Variants in NVL observed in about 807,000 individuals in gnomAD.
The protein encoded by NVL is nuclear valosin-containing protein-like.
Under a neutral mutation model 110.2 loss-of-function variants are expected in NVL, and 84 were observed. That is an observed-to-expected ratio of 0.76 (90% confidence interval 0.64 to 0.91). The LOEUF (loss-of-function observed/expected upper bound fraction) is 0.91. NVL is among the 40% of genes least tolerant of loss of function. The pLI, the probability that NVL is intolerant of heterozygous loss-of-function variation, is 0.00. For missense variants in NVL, 882 were observed against 1,035.9 expected, an observed-to-expected ratio of 0.85 and a Z score of 2.04; for synonymous variants, 354 against 361.1, an observed-to-expected ratio of 0.98 and a Z score of 0.22.
At chr1:224,279,383 G>A (rs1666092146) in intron 16 of NVL, among the ~76,000 whole-genome samples, 1 of 152,060 alleles carries the variant, frequency 6.6e-6, no homozygotes. Context: ...GACCAGCCTG[G>A]ACAATACAGC....
At chr1:224,322,131 A>C (rs1670711277) in intron 2 of NVL, among the ~76,000 whole-genome samples, 1 of 152,152 alleles carries the variant, frequency 6.6e-6, no homozygotes, top group Non-Finnish European at 1.5e-5. Context: ...CCCACGCTTC[A>C]GTGCAGCGGT....
intron 12 of NVL, 87 bp from the exon 13 acceptor site, chr1:224,289,820 C>T (rs770083873): frequency 1.2e-4 from 159 of 1,323,398 alleles, no homozygotes; most frequent in Non-Finnish European, 1.5e-4. Context: ...AAGTCCTTCA[C>T]GTCTGCCAAA....
chr1:224,304,801 C>T lies in NVL; in HGVS notation c.760G>A (p.Gly254Arg), dbSNP rs1668760843. The T allele has an allele frequency of 6.2e-7, 1 of 1,613,908 alleles. No homozygotes were observed. The highest frequency in any genetic ancestry group is 8.5e-7 in the Non-Finnish European group (1 of 1,179,882). ...AVLQKKAKAR[G>R]LEFQISNVKF... ...ACGTTGGAGATCTGGAATTCTAACC[C>T]CCTGGCTTTAGCTGGTAAACAAAAA... Residue 254 changes from glycine (G) to arginine (R), a missense_variant, in exon 8 of 23, where the codon GGG becomes AGG. Transcript: ENST00000281701.
intron 10 of NVL, among the ~76,000 whole-genome samples, chr1:224,297,421 A>G (rs1483845762): frequency 6.6e-6 from 1 of 152,232 alleles, no homozygotes; most frequent in Admixed American, 6.5e-5. Context: ...TACCGAGAGT[A>G]GTCAAATTCA....
At chr1:224,302,499 C>T (rs957891149) in intron 9 of NVL, among the ~76,000 whole-genome samples, 20 of 152,160 alleles carry the variant, frequency 1.3e-4, no homozygotes, top group Admixed American at 6.5e-4. Flanking sequence ...CTGCGCCCGG[C>T]GAGCATGCTA....
chr1:224,312,155 A>G lies in NVL; in HGVS notation c.285-298T>C, dbSNP rs1270839358. On this transcript the variant is annotated intron_variant, in intron 4 of 22. Coordinates refer to ENST00000281701, the MANE Select transcript of NVL (RefSeq NM_002533.4). ...CTTATGCATTTACAAAATATAATAA[A>G]TGCAAAATAAATTATAGTTATATTT... is the stretch of plus-strand genomic sequence containing the variant. 1.4e-5 allele frequency: 3 copies of G among 216,838 alleles called. No individual in the cohort carries two copies. The East Asian group carries it at 3.1e-4, about 22-fold the overall frequency. The allele number at this position is 216,838 out of a possible 1,614,324, so 13.4% of individuals were successfully genotyped here. A position where few individuals can be genotyped will look rare whatever the true frequency, so the allele number is the denominator to read the frequency against.
At chr1:224,293,053 C>T (rs987289619) in intron 12 of NVL, among the ~76,000 whole-genome samples, 2 of 150,818 alleles carry the variant, frequency 1.3e-5, no homozygotes, top group African/African-American at 4.9e-5. Flanking sequence ...CCATACCCGA[C>T]CTAATATTTC....
chr1:224,289,807 T>C, intron 12 of NVL, 74 bp from the exon 13 acceptor site: 2 of 1,443,340 alleles, frequency 1.4e-6, no homozygotes, highest in Admixed American at 2.3e-5. Context: ...CTATATTTAT[T>C]TGAAGTCCTT....
chr1:224,247,536 G>A (rs1002073690), intron 19 of NVL, among the ~76,000 whole-genome samples: 6 of 152,026 alleles, frequency 3.9e-5, no homozygotes, highest in Non-Finnish European at 8.8e-5. Context: ...GGGCTTGGTG[G>A]TGCACGCCTG....
At position 224,296,603 on chromosome 1, in the gene NVL, T is replaced by G; in HGVS notation, c.1078A>C (p.Ile360Leu). 1 of 1,588,358 alleles carries G rather than the reference T, an allele frequency of 6.3e-7. No individual in the cohort carries two copies. The highest frequency in any genetic ancestry group is 8.6e-7 in the Non-Finnish European group (1 of 1,166,988). The change falls in exon 11 of 23, where the codon ATC (isoleucine) becomes CTC (leucine). Residue 360 changes from isoleucine (I) to leucine (L), a missense_variant. Ile to Leu is a conservative substitution (Grantham distance 5). Around this residue, in one of 4 missense-constraint regions of NVL, gnomAD observed 416 missense variants for 499.3 expected, o/e 0.83. Coordinates refer to ENST00000281701, the MANE Select transcript of NVL (RefSeq NM_002533.4). ...GCATCAATTTCATCAATGAAAATGA[T>G]ACATGGTGCATTTGACTAGAAATAA... Reference protein sequence around the residue: ...FEQAVSNAPCIIFIDEIDAIT... With the variant: ...FEQAVSNAPCLIFIDEIDAIT...
At position 224,311,885 on chromosome 1, in the gene NVL, A is replaced by G. The variant is rs750397126; in HGVS notation, c.285-28T>C. 14 of 1,563,158 alleles carry G rather than the reference A, an allele frequency of 9.0e-6. No homozygotes were observed. The Admixed American group carries it at 2.4e-4, about 26-fold the overall frequency. ...CAGTAAAAGGAGGGAAAAATGTTTT[A>G]AAGACTTTCTCTCCCATATCCTAAA... On this transcript the variant is annotated intron_variant, in intron 4 of 22. Transcript: ENST00000281701.
intron 9 of NVL, among the ~76,000 whole-genome samples, chr1:224,302,508 T>G (rs1268306198): frequency 6.6e-6 from 1 of 152,176 alleles, no homozygotes; most frequent in Non-Finnish European, 1.5e-5. Flanking sequence ...GCGAGCATGC[T>G]ATTTTTCTAA....
intron 14 of NVL, 59 bp from the exon 15 acceptor site, chr1:224,286,189 A>T: frequency 8.1e-7 from 1 of 1,231,142 alleles, no homozygotes; most frequent in Non-Finnish European, 1.2e-6. Context: ...TGCAGGTTCA[A>T]ATTATTTCCA....
chr1:224,244,111 T>C (rs868748761), intron 19 of NVL, among the ~76,000 whole-genome samples: 7 of 151,610 alleles, frequency 4.6e-5, no homozygotes, highest in South Asian at 2.1e-4. Context: ...CTCATGCCTA[T>C]AATCCCAGCA....
chr1:224,236,633 G>A (rs375226159), intron 19 of NVL, 51 bp from the exon 20 acceptor site: 30 of 1,433,930 alleles, frequency 2.1e-5, no homozygotes, highest in East Asian at 6.9e-5. Context: ...AGACCATGCC[G>A]GGTGCGATGG....
At chr1:224,307,287 T>C (rs917596746) in intron 6 of NVL, among the ~76,000 whole-genome samples, 6 of 152,162 alleles carry the variant, frequency 3.9e-5, no homozygotes, top group African/African-American at 7.2e-5. Flanking sequence ...TAGATTCACA[T>C]ACCTAACAGG....
chr1:224,293,711 C>G (rs945116565), intron 12 of NVL, among the ~76,000 whole-genome samples: 2 of 152,194 alleles, frequency 1.3e-5, no homozygotes, highest in African/African-American at 4.8e-5. Flanking sequence ...AGAATGCAAG[C>G]CATTGTTAAT....
chr1:224,264,571 A>G (rs181328999), intron 18 of NVL, among the ~76,000 whole-genome samples: 134 of 152,280 alleles, frequency 8.8e-4, no homozygotes, highest in Middle Eastern at 3.4e-3. Context: ...ACTAAGCTTT[A>G]CAGTAGTTTG....
chr1:224,237,730 CTTTT>C (rs775411063), intron 19 of NVL, among the ~76,000 whole-genome samples: 3 of 130,100 alleles, frequency 2.3e-5, no homozygotes, highest in Non-Finnish European at 4.7e-5. Flanking sequence ...TGCCTGGCTA[CTTTT>C]TTTTTTTTTT....
Sources: gnomAD v4.1 joint callset for allele counts (sites outside exome capture counted in the v4.1 genomes callset) on GRCh38, gnomAD v4.1.1 for gene constraint, gnomAD v4.1.1 regional missense constraint, MANE v1.5 for transcripts, NCBI Gene and HGNC (gene_info 2026-07-23, HGNC 2026-07-21) for gene names.